Variants in KALRN observed in about 807,000 individuals in gnomAD.
KALRN encodes the protein kalirin.
In KALRN, 70 loss-of-function variants were observed where a neutral mutation model predicts 353.7. That is an observed-to-expected ratio of 0.20 (90% CI 0.16 to 0.24). KALRN has a LOEUF of 0.24. Among genes scored for constraint, KALRN ranks in the 10% least tolerant of loss-of-function variants. The pLI, the probability that KALRN is intolerant of heterozygous loss-of-function variation, is 1.00. For missense variants in KALRN, 2,791 were observed against 3,756.7 expected, an observed-to-expected ratio of 0.74 and a Z score of 6.72; for synonymous variants, 1,391 against 1,434.8, an observed-to-expected ratio of 0.97 and a Z score of 0.69.
intron 34 of KALRN, among the ~76,000 whole-genome samples, chr3:124,564,096 T>C (rs35271323): frequency 6.8e-6 from 1 of 147,370 alleles, no homozygotes. Context: ...TCCCAGCTAC[T>C]CGGGAGGCTG....
intron 1 of KALRN, among the ~76,000 whole-genome samples, chr3:124,201,106 A>T (rs886414858): frequency 1.3e-5 from 2 of 152,204 alleles, no homozygotes; most frequent in African/African-American, 2.4e-5. Flanking sequence ...TAGAATGGGG[A>T]TATGATGCCA....
chr3:124,480,121 C>T (rs2061840124), intron 27 of KALRN, among the ~76,000 whole-genome samples: 1 of 152,182 alleles, frequency 6.6e-6, no homozygotes, highest in Admixed American at 6.5e-5. Flanking sequence ...TGCAGCTTTC[C>T]TTAAGCTGGG....
At chr3:124,650,641 C>A (rs1402310145) in intron 37 of KALRN, among the ~76,000 whole-genome samples, 167 bp from the exon 38 acceptor site, 1 of 152,208 alleles carries the variant, frequency 6.6e-6, no homozygotes, top group East Asian at 1.9e-4. Flanking sequence ...GGGCTCCCTG[C>A]TGCAGGAGGA....
chr3:124,098,076 A>G (rs1379805518), intron 1 of KALRN, among the ~76,000 whole-genome samples: 2 of 152,244 alleles, frequency 1.3e-5, no homozygotes, highest in African/African-American at 2.4e-5. Flanking sequence ...CAAGTAAGGT[A>G]GGGGTTTACG....
At chr3:124,159,574 CT>C (rs10576641) in intron 1 of KALRN, among the ~76,000 whole-genome samples, 33,703 of 143,872 alleles carry the variant, frequency 0.23, 5,315 homozygotes, top group African/African-American at 0.46. Flanking sequence ...ACCTGGCTGG[CT>C]TTTTTTTTTT....
At chr3:124,413,391 G>A in intron 13 of KALRN, 79 bp from the exon 14 acceptor site, 1 of 1,199,250 alleles carries the variant, frequency 8.3e-7, no homozygotes, top group Non-Finnish European at 1.2e-6. Flanking sequence ...CATGAATAAG[G>A]CTTGGAATTG....
At chr3:124,713,196 C>A (rs2062974170) in intron 58 of KALRN, 61 bp downstream of exon 58, 2 of 1,415,598 alleles carry the variant, frequency 1.4e-6, no homozygotes, top group African/African-American at 1.4e-5. Context: ...CTTTTGCCCA[C>A]AATTAATGGA....
rs529810541 is a variant in KALRN at position 124,587,698 on chromosome 3, C to CTTTTTTTTTTTTTTTTTTTTTTTTTTGTT, written c.5182+24634_5182+24635insTGTTTTTTTTTTTTTTTTTTTTTTTTTTT. 2.6e-5 allele frequency among the ~76,000 whole-genome samples: 2 copies of CTTTTTTTTTTTTTTTTTTTTTTTTTTGTT among 75,864 alleles called. 1 individual carries two copies. Among genetic ancestry groups the CTTTTTTTTTTTTTTTTTTTTTTTTTTGTT allele is most frequent in the Non-Finnish European group, 4.7e-5 (2 of 42,648 alleles). The allele number at this position is 75,864 out of a possible 152,430, so 49.8% of individuals were successfully genotyped here. ...TTTTTCCCTCCACCCCCACCCTCCA[C>CTTTTTTTTTTTTTTTTTTTTTTTTTTGTT]TTTTTTTTTTTTTTTTTTTTTTTTT... On this transcript the variant is annotated intron_variant, in intron 34 of 59. Coordinates refer to ENST00000682506, the MANE Select transcript of KALRN (RefSeq NM_001388419.1).
intron 5 of KALRN, among the ~76,000 whole-genome samples, chr3:124,286,240 C>T (rs2075893544): frequency 6.8e-6 from 1 of 146,616 alleles, no homozygotes; most frequent in Non-Finnish European, 1.5e-5. Flanking sequence ...TTCTTCTCTT[C>T]CTCTCTTTCT....
At chr3:124,656,025 T>C (rs1431275222) in intron 39 of KALRN, among the ~76,000 whole-genome samples, 1 of 152,206 alleles carries the variant, frequency 6.6e-6, no homozygotes, top group East Asian at 1.9e-4. Flanking sequence ...CACATAGGCA[T>C]AAAACAGTTC....
chr3:124,086,132 T>C (rs2060805245), intron 1 of KALRN, among the ~76,000 whole-genome samples: 1 of 152,310 alleles, frequency 6.6e-6, no homozygotes, highest in African/African-American at 2.4e-5. Flanking sequence ...CTTTCCTTTT[T>C]TTTTCTGTTA....
intron 54 of KALRN, 147 bp from the exon 55 acceptor site, chr3:124,697,446 C>T (rs2062106825): frequency 7.0e-6 from 5 of 710,088 alleles, no homozygotes; most frequent in Admixed American, 3.3e-5. Context: ...TGCCTTGGGC[C>T]TGGAGAAAGG....
In KALRN at chr3:124,380,963, A is replaced by G. The variant is rs191862756; in HGVS notation, c.1771-3882A>G. Among the ~76,000 whole-genome samples the G allele has an allele frequency of 5.1e-3, 774 of 152,300 alleles. 3 individuals carry two copies. Among genetic ancestry groups the G allele is most frequent in the Non-Finnish European group, 8.1e-3 (553 of 68,028 alleles). On this transcript the variant is annotated intron_variant, in intron 10 of 59. Transcript: ENST00000682506. ...TCTTTAAATCATTCATTCATTTACT[A>G]AATATCTATGGAGACTTACTAGGTG... is the stretch of plus-strand genomic sequence containing the variant.
At chr3:124,051,491 C>CAT (rs1475828930) in intron 1 of KALRN, among the ~76,000 whole-genome samples, 3 of 152,136 alleles carry the variant, frequency 2.0e-5, no homozygotes, top group African/African-American at 7.2e-5. Context: ...TTTTCATGAA[C>CAT]ATATGTTTTA....
At chr3:124,381,363 G>T in intron 10 of KALRN, among the ~76,000 whole-genome samples, 1 of 152,168 alleles carries the variant, frequency 6.6e-6, no homozygotes, top group East Asian at 1.9e-4. Context: ...GTGGGTTGAA[G>T]CTGAAGGGAA....
intron 13 of KALRN, among the ~76,000 whole-genome samples, chr3:124,401,522 A>G (rs1360622892): frequency 6.6e-6 from 1 of 152,186 alleles, no homozygotes; most frequent in African/African-American, 2.4e-5. Context: ...AATAAAAAAT[A>G]AACAAATAAA....
chr3:124,466,854 T>A (rs1159758603), intron 25 of KALRN, among the ~76,000 whole-genome samples: 1 of 152,242 alleles, frequency 6.6e-6, no homozygotes, highest in Admixed American at 6.5e-5. Flanking sequence ...CACATCTGGC[T>A]GGTTTAATTC....
At chr3:124,189,836 G>A (rs1487266522) in intron 1 of KALRN, among the ~76,000 whole-genome samples, 1 of 151,804 alleles carries the variant, frequency 6.6e-6, no homozygotes, top group Non-Finnish European at 1.5e-5. Flanking sequence ...CTGCTCAAGA[G>A]GCTGAGGCAG....
chr3:124,298,643 C>T, intron 5 of KALRN, 148 bp from the exon 6 acceptor site: 1 of 884,384 alleles, frequency 1.1e-6, no homozygotes, highest in Non-Finnish European at 1.8e-6. Flanking sequence ...CTGTGGCCCA[C>T]CCCATTAAGA....
Sources: gnomAD v4.1 joint callset for allele counts (sites outside exome capture counted in the v4.1 genomes callset) on GRCh38, gnomAD v4.1.1 for gene constraint, MANE v1.5 for transcripts, NCBI Gene and HGNC (gene_info 2026-07-23, HGNC 2026-07-21) for gene names.